Variants in DSTN observed in about 807,000 individuals in gnomAD.
DSTN encodes the protein destrin, actin depolymerizing factor.
DSTN carries 10 observed loss-of-function variants against 16.8 expected under a neutral mutation model. That is an observed-to-expected ratio of 0.60 (90% CI 0.37 to 1.01). The LOEUF is 1.01. DSTN is among the 50% of genes least tolerant of loss of function. The probability of loss-of-function intolerance (pLI) is 0.01; values close to 1 mark genes in which losing one functional copy is unlikely to be tolerated. For synonymous variants in DSTN, 57 were observed against 58.9 expected (o/e 0.97, Z 0.14); for missense variants, 141 against 196.7 (o/e 0.72, Z 1.69).
At position 17,581,817 on chromosome 20, in the gene DSTN, C is replaced by T. The variant is rs142098398; in HGVS notation, c.3+11606C>T. On this transcript the variant is annotated intron_variant, in intron 1 of 3. Coordinates refer to ENST00000246069, the MANE Select transcript of DSTN (RefSeq NM_006870.4). ...AAATTGATTCAAAAGTTTTATAAAT[C>T]TTTAAAATACCATAATTTCATAGTT... 6.2e-3 allele frequency among the ~76,000 whole-genome samples: 948 copies of T among 152,162 alleles called. 9 individuals are homozygous for T. Among genetic ancestry groups the T allele is most frequent in the African/African-American group, 0.019 (785 of 41,522 alleles).
intron 1 of DSTN, among the ~76,000 whole-genome samples, chr20:17,582,849 C>G (rs567183668): frequency 2.6e-5 from 4 of 152,032 alleles, no homozygotes; most frequent in African/African-American, 9.7e-5. Context: ...GCACAAGTGA[C>G]AAAAATAGAT....
At chr20:17,570,774 A>G (rs990391351) in intron 1 of DSTN, among the ~76,000 whole-genome samples, 4 of 152,198 alleles carry the variant, frequency 2.6e-5, no homozygotes, top group African/African-American at 9.7e-5. Context: ...TCCTGGCATG[A>G]TTTAGAACGG....
intron 1 of DSTN, among the ~76,000 whole-genome samples, chr20:17,585,347 G>A (rs1362325882): frequency 6.6e-6 from 1 of 152,058 alleles, no homozygotes; most frequent in Admixed American, 6.5e-5. Context: ...AGAAAACTAG[G>A]TGTGACTGGG....
At chr20:17,594,831 A>T (rs2035508567) in intron 1 of DSTN, among the ~76,000 whole-genome samples, 1 of 152,204 alleles carries the variant, frequency 6.6e-6, no homozygotes, top group Non-Finnish European at 1.5e-5. Flanking sequence ...AGTTGCTAAG[A>T]ACATCTCTTA....
In DSTN at chr20:17,608,408, T is replaced by C. The variant is rs954553925; in HGVS notation, c.*1262T>C. ...ATTTTGGGAGGCCGAGGCAAGAGGA[T>C]AGTTTGAGGCCAGGAGTTTGACAAT... On this transcript the variant is annotated 3_prime_UTR_variant, in exon 4 of 4. Coordinates refer to ENST00000246069, the MANE Select transcript of DSTN (RefSeq NM_006870.4). The C allele has an allele frequency of 3.3e-5, 5 of 152,060 alleles. No homozygotes were observed. The highest frequency in any genetic ancestry group is 7.2e-5 in the African/African-American group (3 of 41,386). The allele number at this position is 152,060 out of a possible 1,614,324, so 9.4% of individuals were successfully genotyped here.
At chr20:17,601,370 C>T (rs2035585502) in intron 2 of DSTN, among the ~76,000 whole-genome samples, 1 of 149,120 alleles carries the variant, frequency 6.7e-6, no homozygotes, top group Non-Finnish European at 1.5e-5. Flanking sequence ...TAAGCCAAAA[C>T]CCTACTTTTC....
intron 1 of DSTN, among the ~76,000 whole-genome samples, chr20:17,570,531 C>G (rs1020015452): frequency 1.3e-5 from 2 of 152,152 alleles, no homozygotes; most frequent in African/African-American, 4.8e-5. Flanking sequence ...CGAGCGCCCC[C>G]ACCCGCTCTG....
rs557583422 is a variant in DSTN, at chr20:17,595,895, A to G, written c.4-4843A>G. 7.2e-5 allele frequency among the ~76,000 whole-genome samples: 11 copies of G among 152,254 alleles called. No homozygotes were observed. The South Asian group carries it at 1.9e-3, about 26-fold the overall frequency. Reference sequence around the variant, plus strand: ...TATCTAGAACAGTTACATCTCCCCAATCATAAGACAACTTGCATGAAGTAC... The same window carrying G: ...TATCTAGAACAGTTACATCTCCCCAGTCATAAGACAACTTGCATGAAGTAC... On this transcript the variant is annotated intron_variant, in intron 1 of 3. Coordinates refer to ENST00000246069, the MANE Select transcript of DSTN (RefSeq NM_006870.4).
At chr20:17,605,286 C>A in intron 3 of DSTN, 2 of 406,084 alleles carry the variant, frequency 4.9e-6, no homozygotes, top group Admixed American at 2.8e-5. Context: ...TGTCTAACTG[C>A]TGTGTGGCCT....
At chr20:17,573,497 A>G (rs894313274) in intron 1 of DSTN, among the ~76,000 whole-genome samples, 9 of 152,206 alleles carry the variant, frequency 5.9e-5, no homozygotes, top group Middle Eastern at 6.8e-3. Context: ...TATAATAGGC[A>G]ATTTCCATGT....
rs4257448 is a variant in DSTN at position 17,595,196 on chromosome 20, G to A, written c.4-5542G>A. Among the ~76,000 whole-genome samples, 886 of 152,216 alleles carry A rather than the reference G, an allele frequency of 5.8e-3. 23 individuals are homozygous for A. In the East Asian group the frequency reaches 0.081, roughly 14 times the overall value. ...AGCTGACCTTTTGGAGGTCCCCAGA[G>A]CCCTTTTTCTTGTCCTTAGGTAGTT... On this transcript the variant is annotated intron_variant, in intron 1 of 3. Coordinates refer to ENST00000246069, the MANE Select transcript of DSTN (RefSeq NM_006870.4).
intron 1 of DSTN, among the ~76,000 whole-genome samples, chr20:17,577,157 C>T (rs1324702447): frequency 6.6e-6 from 1 of 152,202 alleles, no homozygotes; most frequent in Non-Finnish European, 1.5e-5. Flanking sequence ...CAAGCTATCT[C>T]ATTATGTATA....
At chr20:17,601,265 G>T (rs6044900) in intron 2 of DSTN, among the ~76,000 whole-genome samples, 146,160 of 147,586 alleles carry the variant, frequency 0.99, 72,384 homozygotes, top group East Asian at 1. Context: ...CTCCGTTTTT[G>T]TTTTTTTTTT....
intron 2 of DSTN, 88 bp from the exon 3 acceptor site, chr20:17,604,467 C>T: frequency 7.4e-7 from 1 of 1,352,668 alleles, no homozygotes; most frequent in Non-Finnish European, 1.0e-6. Flanking sequence ...GGATTCTCAG[C>T]AAATGTTTAC....
At chr20:17,597,790 C>T (rs1372282787) in intron 1 of DSTN, among the ~76,000 whole-genome samples, 1 of 152,230 alleles carries the variant, frequency 6.6e-6, no homozygotes, top group Non-Finnish European at 1.5e-5. Context: ...CTCCTGTCAA[C>T]TTCCAGAACA....
chr20:17,575,456 G>A (rs1356713977), intron 1 of DSTN, among the ~76,000 whole-genome samples: 1 of 151,332 alleles, frequency 6.6e-6, no homozygotes, highest in Non-Finnish European at 1.5e-5. Context: ...GTAGAATATT[G>A]TGAAAGCATT....
intron 1 of DSTN, chr20:17,576,121 A>G (rs1184536065): frequency 6.6e-6 from 1 of 152,210 alleles, no homozygotes; most frequent in East Asian, 1.9e-4. Flanking sequence ...CCAAAATGTT[A>G]TATTCATCAT....
chr20:17,588,328 CTATT>C (rs2035433297), intron 1 of DSTN, among the ~76,000 whole-genome samples: 3 of 152,236 alleles, frequency 2.0e-5, no homozygotes, highest in South Asian at 2.1e-4. Context: ...CACTTTACCT[CTATT>C]GATTGATGCC....
intron 1 of DSTN, among the ~76,000 whole-genome samples, chr20:17,577,648 T>C (rs1239606789): frequency 6.6e-6 from 1 of 151,932 alleles, no homozygotes; most frequent in Non-Finnish European, 1.5e-5. Context: ...GGAAAGAAAA[T>C]ACAAGCTATG....
Sources: gnomAD v4.1 joint callset for allele counts (sites outside exome capture counted in the v4.1 genomes callset) on GRCh38, gnomAD v4.1.1 for gene constraint, MANE v1.5 for transcripts, NCBI Gene and HGNC (gene_info 2026-07-23, HGNC 2026-07-21) for gene names.